TAF4: variants seen among roughly 807,000 people sequenced by gnomAD.
The protein encoded by TAF4 is transcription initiation factor TFIID subunit 4.
TAF4 carries 9 observed loss-of-function variants against 90.3 expected under a neutral mutation model. The observed-to-expected ratio is 0.10, with a 90% CI of 0.06 to 0.17. The LOEUF (loss-of-function observed/expected upper bound fraction) is 0.17. TAF4 is among the 10% of genes least tolerant of loss of function. The pLI is 1.00. For missense variants in TAF4, 1,351 were observed against 1,370.7 expected, an observed-to-expected ratio of 0.99 and a Z score of 0.23; for synonymous variants, 818 against 638.9, an observed-to-expected ratio of 1.28 and a Z score of -4.23.
intron 1 of TAF4, among the ~76,000 whole-genome samples, chr20:62,019,931 C>A (rs1227592326): frequency 5.3e-5 from 8 of 152,210 alleles, no homozygotes; most frequent in African/African-American, 1.7e-4. Flanking sequence ...CGCAGGCCGC[C>A]CCGCACTCTC....
intron 14 of TAF4, among the ~76,000 whole-genome samples, chr20:61,977,552 A>G (rs2055503664): frequency 6.6e-6 from 1 of 151,498 alleles, no homozygotes; most frequent in Non-Finnish European, 1.5e-5. Flanking sequence ...GGCTGGGAGC[A>G]TGGCTGCCTT....
At chr20:61,982,160 T>C (rs774138899) in intron 14 of TAF4, among the ~76,000 whole-genome samples, 78 of 3,584 alleles carry the variant, frequency 0.022, no homozygotes, top group Middle Eastern at 0.33. Context: ...GACACCAAAC[T>C]CACACCCCAC....
intron 1 of TAF4, among the ~76,000 whole-genome samples, chr20:62,016,771 C>T (rs983054947): frequency 3.3e-5 from 5 of 152,100 alleles, no homozygotes; most frequent in Non-Finnish European, 5.9e-5. Context: ...CTTTAGAGTA[C>T]GCTAATACAA....
chr20:61,997,380 G>C (rs1331193139), intron 14 of TAF4, among the ~76,000 whole-genome samples, 170 bp downstream of exon 14: 1 of 152,240 alleles, frequency 6.6e-6, no homozygotes. Context: ...CAAATAAGCT[G>C]ATTTGGATTT....
At chr20:62,011,408 C>T (rs1475685522) in intron 3 of TAF4, among the ~76,000 whole-genome samples, 3 of 152,196 alleles carry the variant, frequency 2.0e-5, no homozygotes, top group Non-Finnish European at 4.4e-5. Flanking sequence ...ATTGTGTCTG[C>T]CACTAAGTAT....
chr20:62,033,189 A>T (rs937027808), intron 1 of TAF4, among the ~76,000 whole-genome samples: 1 of 152,206 alleles, frequency 6.6e-6, no homozygotes, highest in African/African-American at 2.4e-5. Context: ...GGGGTCAGGC[A>T]GGGTGGCCTC....
At chr20:61,996,033 C>G (rs2055660881) in intron 14 of TAF4, among the ~76,000 whole-genome samples, 1 of 152,062 alleles carries the variant, frequency 6.6e-6, no homozygotes, top group East Asian at 1.9e-4. Context: ...AACCTCTAAA[C>G]TGAATATCCA....
intron 14 of TAF4, among the ~76,000 whole-genome samples, chr20:61,979,579 C>T (rs2055523244): frequency 7.5e-6 from 1 of 132,646 alleles, no homozygotes. Flanking sequence ...CATGCAGGCG[C>T]GACGGCCTCT....
At chr20:62,053,064 C>A (rs555379493) in intron 1 of TAF4, among the ~76,000 whole-genome samples, 1 of 152,140 alleles carries the variant, frequency 6.6e-6, no homozygotes, top group Non-Finnish European at 1.5e-5. Flanking sequence ...TCTGGTGGCA[C>A]GCCCACAACC....
chr20:62,017,257 G>A (rs186320806), intron 1 of TAF4, among the ~76,000 whole-genome samples: 46 of 152,298 alleles, frequency 3.0e-4, no homozygotes, highest in East Asian at 1.7e-3. Context: ...TTCAGTGTCC[G>A]TCCCAGTGCC....
At chr20:62,027,025 G>A (rs1228790832) in intron 1 of TAF4, among the ~76,000 whole-genome samples, 2 of 152,232 alleles carry the variant, frequency 1.3e-5, no homozygotes, top group African/African-American at 4.8e-5. Context: ...TCGTGCCTGT[G>A]TACAAAAGAG....
chr20:62,004,574 C>T (rs1418714135), intron 7 of TAF4: 1 of 152,036 alleles, frequency 6.6e-6, no homozygotes, highest in Non-Finnish European at 1.5e-5. Flanking sequence ...GCGATCCTCC[C>T]ACTTTGACCT....
At chr20:62,001,253 C>T (rs925093462) in intron 9 of TAF4, among the ~76,000 whole-genome samples, 3 of 152,170 alleles carry the variant, frequency 2.0e-5, no homozygotes, top group African/African-American at 7.2e-5. Context: ...ATGGCCCCTC[C>T]CCAGGCCCTC....
chr20:62,049,269 C>A (rs2056012643), intron 1 of TAF4, among the ~76,000 whole-genome samples: 1 of 152,126 alleles, frequency 6.6e-6, no homozygotes, highest in African/African-American at 2.4e-5. Flanking sequence ...AGCTTCTGTG[C>A]GAGTGTCTGT....
chr20:62,056,643 G>T (rs1937806677), intron 1 of TAF4, among the ~76,000 whole-genome samples: 1 of 151,858 alleles, frequency 6.6e-6, no homozygotes, highest in Non-Finnish European at 1.5e-5. Flanking sequence ...CACAGACTTG[G>T]GTCACAGGAG....
At chr20:62,027,150 G>T (rs1028504787) in intron 1 of TAF4, among the ~76,000 whole-genome samples, 1 of 152,222 alleles carries the variant, frequency 6.6e-6, no homozygotes, top group African/African-American at 2.4e-5. Flanking sequence ...CACTGCAAAA[G>T]TGCATCTGTA....
At position 62,065,201 on chromosome 20, in the gene TAF4, G is replaced by C. The variant is rs2056120476; in HGVS notation, c.610C>G (p.Leu204Val). Residue 204 changes from leucine to valine, a missense_variant, in exon 1 of 15, where the codon CTG (leucine) becomes GTG (valine). By Grantham distance (32) the Leu-to-Val change is conservative. This residue lies in a region of TAF4 where 782 missense variants were observed against 536.6 expected (regional missense o/e 1.46). Coordinates refer to ENST00000252996, the MANE Select transcript of TAF4 (RefSeq NM_003185.4). ...GCGGCGGCGTGGTGCGAGTTCAGCAGCGCGGCGCTCCCATTCAAAGTTTGC... is the reference window on the plus strand; with the variant it reads ...GCGGCGGCGTGGTGCGAGTTCAGCACCGCGGCGCTCCCATTCAAAGTTTGC... ...AAQTLNGSAA[L>V]LNSHHAAAPA... 1 of 1,190,416 alleles carries C rather than the reference G, an allele frequency of 8.4e-7. No individual in the cohort carries two copies. Among genetic ancestry groups the C allele is most frequent in the African/African-American group, 1.7e-5 (1 of 59,196 alleles). The allele number at this position is 1,190,416 out of a possible 1,614,324, so 73.7% of individuals were successfully genotyped here.
chr20:61,996,414 G>C (rs910992984), intron 14 of TAF4, among the ~76,000 whole-genome samples: 2 of 151,692 alleles, frequency 1.3e-5, no homozygotes, highest in East Asian at 3.9e-4. Flanking sequence ...ATTACAGCAG[G>C]ACATCAGAAG....
chr20:62,002,965 C>T (rs1223657361), intron 9 of TAF4, among the ~76,000 whole-genome samples, 195 bp downstream of exon 9: 3 of 152,204 alleles, frequency 2.0e-5, no homozygotes, highest in African/African-American at 7.2e-5. Flanking sequence ...TGAAGCAAAA[C>T]CTCTTTGAGC....
Sources: allele counts gnomAD v4.1 joint callset (sites outside exome capture counted in the v4.1 genomes callset), GRCh38; gene constraint gnomAD v4.1.1; regional missense constraint gnomAD v4.1.1; transcripts MANE v1.5; gene names NCBI Gene and HGNC (gene_info 2026-07-23, HGNC 2026-07-21).